The following GAB2 variants were observed in gnomAD, a reference collection of about 807,000 sequenced individuals.
GAB2 encodes GRB2-associated-binding protein 2.
In GAB2, 26 loss-of-function variants were observed where a neutral mutation model predicts 65.5. That is an observed-to-expected ratio of 0.40 (90% confidence interval 0.29 to 0.55). GAB2 has a LOEUF of 0.55. GAB2 is among the 20% of genes least tolerant of loss of function. The pLI, the probability that GAB2 is intolerant of heterozygous loss-of-function variation, is 0.53. For missense variants in GAB2, 884 were observed against 875.8 expected (o/e 1.01, Z -0.12); for synonymous variants, 321 against 329.6 (o/e 0.97, Z 0.28).
chr11:78,405,974 A>G (rs1428826485), intron 1 of GAB2, among the ~76,000 whole-genome samples: 1 of 152,210 alleles, frequency 6.6e-6, no homozygotes, highest in Non-Finnish European at 1.5e-5. Context: ...CTGTGGTCCA[A>G]CCCTCACCCA....
At chr11:78,402,568 C>G (rs896666055) in intron 1 of GAB2, among the ~76,000 whole-genome samples, 3 of 146,684 alleles carry the variant, frequency 2.0e-5, no homozygotes, top group Non-Finnish European at 4.5e-5. Flanking sequence ...CCCACCCCCA[C>G]CCCCAATCGC....
At chr11:78,303,142 A>G (rs909415615) in intron 1 of GAB2, among the ~76,000 whole-genome samples, 1 of 152,200 alleles carries the variant, frequency 6.6e-6, no homozygotes, top group Non-Finnish European at 1.5e-5. Flanking sequence ...AATCACCACT[A>G]AAGAACTTAC....
rs1006004022 is a variant in GAB2 at position 78,215,893 on chromosome 11, A to T, written c.*3379T>A. ...AGGGGTGCTGGGCCGAGATGTCCCC[A>T]TGGGAGAAGGGGCCAGAGGGAGGAT... On this transcript the variant is annotated 3_prime_UTR_variant, in exon 10 of 10. Transcript: ENST00000361507. 6.5e-6 allele frequency: 1 copy of T among 152,710 alleles called. No individual in the cohort carries two copies. Among genetic ancestry groups the T allele is most frequent in the African/African-American group, 2.4e-5 (1 of 41,464 alleles). The allele number at this position is 152,710 out of a possible 1,614,324, so 9.5% of individuals were successfully genotyped here. A position where few individuals can be genotyped will look rare whatever the true frequency, so the allele number is the denominator to read the frequency against.
At chr11:78,298,070 A>C (rs113099159) in intron 1 of GAB2, among the ~76,000 whole-genome samples, 1 of 152,240 alleles carries the variant, frequency 6.6e-6, no homozygotes, top group African/African-American at 2.4e-5. Flanking sequence ...CATATTTAAA[A>C]TTCTAAAAGA....
At chr11:78,249,346 A>G (rs1450758960) in intron 3 of GAB2, among the ~76,000 whole-genome samples, 1 of 152,272 alleles carries the variant, frequency 6.6e-6, no homozygotes, top group African/African-American at 2.4e-5. Flanking sequence ...TAATTGTCAT[A>G]ACATGAATTA....
intron 3 of GAB2, among the ~76,000 whole-genome samples, chr11:78,233,043 T>G (rs1399224223): frequency 6.8e-6 from 1 of 147,640 alleles, no homozygotes; most frequent in Non-Finnish European, 1.5e-5. Flanking sequence ...CTGTTAAGTT[T>G]TTTTTTTTTT....
chr11:78,270,644 G>A (rs185730876), intron 2 of GAB2, among the ~76,000 whole-genome samples: 2 of 152,308 alleles, frequency 1.3e-5, no homozygotes, highest in Admixed American at 1.3e-4. Context: ...ATGCTTAAAT[G>A]AGACTGCGTA....
intron 2 of GAB2, among the ~76,000 whole-genome samples, chr11:78,257,109 A>T (rs978539281): frequency 6.7e-6 from 1 of 149,818 alleles, no homozygotes; most frequent in African/African-American, 2.5e-5. Flanking sequence ...GCATACAAAC[A>T]CTCCTCCCAC....
At chr11:78,253,004 CTTTT>C (rs984989129) in intron 2 of GAB2, among the ~76,000 whole-genome samples, 1 of 106,946 alleles carries the variant, frequency 9.4e-6, no homozygotes, top group Non-Finnish European at 1.7e-5. Flanking sequence ...AATATCTTTC[CTTTT>C]TTTTTTTTTT....
chr11:78,249,132 C>T (rs1209848050), intron 3 of GAB2, among the ~76,000 whole-genome samples: 1 of 152,116 alleles, frequency 6.6e-6, no homozygotes, highest in Non-Finnish European at 1.5e-5. Flanking sequence ...AGTACAGGAC[C>T]AGAAACAAGA....
chr11:78,412,031 A>AAACAACAACAACAAC lies in GAB2; in HGVS notation c.75+5600_75+5614dup, dbSNP rs373083805. ...GGTGACAGAGTGAGAATCTGTCTAA[A>AAACAACAACAACAAC]AACAACAACAACAACAACAACAACA... is the stretch of plus-strand genomic sequence containing the variant. On this transcript the variant is annotated intron_variant, in intron 1 of 9. Coordinates refer to ENST00000361507, the MANE Select transcript of GAB2 (RefSeq NM_080491.3). 4.4e-4 allele frequency among the ~76,000 whole-genome samples: 66 copies of AAACAACAACAACAAC among 150,764 alleles called. 1 individual carries two copies. The highest frequency in any genetic ancestry group is 1.5e-3 in the African/African-American group (61 of 40,728).
intron 2 of GAB2, among the ~76,000 whole-genome samples, chr11:78,254,506 G>A (rs775711039): frequency 6.6e-6 from 1 of 152,086 alleles, no homozygotes; most frequent in Non-Finnish European, 1.5e-5. Context: ...TCCATCTAAT[G>A]ATCTATAGCT....
At chr11:78,229,106 G>C (rs1312892497) in intron 3 of GAB2, among the ~76,000 whole-genome samples, 1 of 152,196 alleles carries the variant, frequency 6.6e-6, no homozygotes, top group Non-Finnish European at 1.5e-5. Flanking sequence ...GTAGGGGTGA[G>C]TATGTAGCTG....
chr11:78,241,514 T>G (rs1201789615), intron 3 of GAB2, among the ~76,000 whole-genome samples: 7 of 151,088 alleles, frequency 4.6e-5, no homozygotes, highest in African/African-American at 1.7e-4. Context: ...AATAATGACC[T>G]TAAGAAAACT....
At chr11:78,384,616 G>T (rs150512816) in intron 1 of GAB2, among the ~76,000 whole-genome samples, 1 of 152,322 alleles carries the variant, frequency 6.6e-6, no homozygotes, top group East Asian at 1.9e-4. Context: ...AACAAAGAAT[G>T]AGGTCACAGC....
intron 2 of GAB2, among the ~76,000 whole-genome samples, chr11:78,270,600 T>C (rs964689664): frequency 2.0e-5 from 3 of 152,216 alleles, no homozygotes; most frequent in Non-Finnish European, 4.4e-5. Context: ...AGGAATGATA[T>C]TATCAGCCCC....
intron 1 of GAB2, among the ~76,000 whole-genome samples, chr11:78,367,296 C>T (rs1028732197): frequency 3.9e-5 from 6 of 152,170 alleles, no homozygotes; most frequent in African/African-American, 7.2e-5. Context: ...ATCCTGCCTT[C>T]GAAGGGCATA....
chr11:78,336,349 A>AC (rs1856000760), intron 1 of GAB2, among the ~76,000 whole-genome samples: 2 of 149,000 alleles, frequency 1.3e-5, no homozygotes, highest in African/African-American at 4.9e-5. Context: ...AAAAAAAAAA[A>AC]AAAAAAAAAA....
intron 1 of GAB2, among the ~76,000 whole-genome samples, chr11:78,323,080 A>G (rs1333099979): frequency 1.3e-5 from 2 of 152,210 alleles, no homozygotes; most frequent in African/African-American, 2.4e-5. Flanking sequence ...GGTGCCCATC[A>G]ATGGTGGATT....
Sources: gnomAD v4.1 joint callset for allele counts (sites outside exome capture counted in the v4.1 genomes callset) on GRCh38, gnomAD v4.1.1 for gene constraint, MANE v1.5 for transcripts, NCBI Gene and HGNC (gene_info 2026-07-23, HGNC 2026-07-21) for gene names.